Variants in ATP2C2 observed in about 807,000 individuals in gnomAD.
ATP2C2 encodes the protein calcium-transporting ATPase type 2C member 2.
In ATP2C2, 171 loss-of-function variants were observed where a neutral mutation model predicts 110.8. That is an observed-to-expected ratio of 1.54 (90% CI 1.36 to 1.75). The LOEUF (loss-of-function observed/expected upper bound fraction) is 1.75, where lower values mean the gene tolerates loss of function less well. Ranked by LOEUF, ATP2C2 falls within the 40% of genes most tolerant of loss-of-function variation. The probability of loss-of-function intolerance (pLI) is 0.00; values close to 1 mark genes in which losing one functional copy is unlikely to be tolerated. For missense variants in ATP2C2, 1,963 were observed against 1,235.0 expected (o/e 1.59, Z -8.84); for synonymous variants, 804 against 508.4 (o/e 1.58, Z -7.82).
chr16:84,447,214 C>CT (rs1229039856), intron 16 of ATP2C2, among the ~76,000 whole-genome samples: 1 of 152,196 alleles, frequency 6.6e-6, no homozygotes, highest in Non-Finnish European at 1.5e-5. Flanking sequence ...CCACTCAGGG[C>CT]TGTGGGCAGC....
chr16:84,438,944 G>C, intron 11 of ATP2C2: 1 of 530,256 alleles, frequency 1.9e-6, no homozygotes, highest in Non-Finnish European at 3.3e-6. Context: ...ATGACTGACA[G>C]GAGAGGTCCC....
Position 84,459,018 on chromosome 16 carries a change from A to G in ATP2C2, c.2148-102A>G, listed in dbSNP as rs1910971496. The G allele has an allele frequency of 1.1e-5, 14 of 1,290,658 alleles. No individual in the cohort carries two copies. In the Admixed American group the frequency reaches 2.3e-4, roughly 21 times the overall value. The allele number at this position is 1,290,658 out of a possible 1,614,324, so 80.0% of individuals were successfully genotyped here. On this transcript the variant is annotated intron_variant, in intron 21 of 26. Coordinates refer to ENST00000262429, the MANE Select transcript of ATP2C2 (RefSeq NM_014861.4). ...GAACCAGCAGGGGCCCAAGTATAAC[A>G]TCAATCTGGGCGAGTCACCACTGCC... is the stretch of plus-strand genomic sequence containing the variant.
At chr16:84,370,130 A>G (rs1227446181) in intron 1 of ATP2C2, among the ~76,000 whole-genome samples, 4 of 140,964 alleles carry the variant, frequency 2.8e-5, no homozygotes, top group African/African-American at 8.5e-5. Flanking sequence ...CAGGATGTCC[A>G]GGAATGCAGG....
At chr16:84,388,078 T>G (rs1262645078) in intron 1 of ATP2C2, among the ~76,000 whole-genome samples, 1 of 152,132 alleles carries the variant, frequency 6.6e-6, no homozygotes, top group African/African-American at 2.4e-5. Context: ...ACGCCTGTCA[T>G]CCCAGCACTT....
intron 1 of ATP2C2, among the ~76,000 whole-genome samples, chr16:84,377,034 T>C (rs915237953): frequency 6.6e-6 from 1 of 152,232 alleles, no homozygotes; most frequent in Admixed American, 6.5e-5. Flanking sequence ...CTCTGGTCTC[T>C]AAGGCATCTC....
chr16:84,378,937 A>C (rs563408460), intron 1 of ATP2C2, among the ~76,000 whole-genome samples: 2 of 145,556 alleles, frequency 1.4e-5, no homozygotes, highest in African/African-American at 5.1e-5. Context: ...TACTCCAGCC[A>C]CTCCTCTGGC....
At chr16:84,401,166 C>T (rs997245511) in intron 2 of ATP2C2, among the ~76,000 whole-genome samples, 10 of 151,858 alleles carry the variant, frequency 6.6e-5, no homozygotes, top group Non-Finnish European at 1.0e-4. Flanking sequence ...TGGAGAGTTT[C>T]CCCGATGTTC....
At chr16:84,406,674 C>T (rs1905797382) in intron 3 of ATP2C2, 2 of 982,908 alleles carry the variant, frequency 2.0e-6, no homozygotes, top group Non-Finnish European at 2.4e-6. Context: ...CTGGCTAGCC[C>T]AGAAGCTTCC....
At position 84,368,600 on chromosome 16, in the gene ATP2C2, C is replaced by A; in HGVS notation, c.-16C>A. 1 of 1,543,594 alleles carries A rather than the reference C, an allele frequency of 6.5e-7. No individual in the cohort carries two copies. On this transcript the variant is annotated 5_prime_UTR_variant, in exon 1 of 27. Coordinates refer to ENST00000262429, the MANE Select transcript of ATP2C2 (RefSeq NM_014861.4). ...CGGGGACCTAGGGACGCAGGCAACG[C>A]CTGCGCCCGCTCACCATGGTCGAGG...
chr16:84,405,446 C>A (rs1295260887), intron 3 of ATP2C2, among the ~76,000 whole-genome samples: 1 of 152,038 alleles, frequency 6.6e-6, no homozygotes, highest in Non-Finnish European at 1.5e-5. Flanking sequence ...TGATCACTTT[C>A]GTAGACAGTT....
chr16:84,397,115 G>A (rs1284637716), intron 1 of ATP2C2, among the ~76,000 whole-genome samples: 2 of 151,802 alleles, frequency 1.3e-5, no homozygotes, highest in Non-Finnish European at 2.9e-5. Flanking sequence ...GTATCAGGAT[G>A]CTAGGAATGG....
chr16:84,412,534 CTGTGTGTGTATGCGTGTGTGTG>C (rs1436791760), intron 6 of ATP2C2, among the ~76,000 whole-genome samples: 2 of 126,686 alleles, frequency 1.6e-5, no homozygotes, highest in Non-Finnish European at 3.3e-5. Flanking sequence ...GTGCATGTGT[CTGTGTGTGTATGCGTGTGTGTG>C]TGTGTGTGTG....
At chr16:84,419,471 C>T (rs1054651085) in intron 7 of ATP2C2, among the ~76,000 whole-genome samples, 1 of 152,204 alleles carries the variant, frequency 6.6e-6, no homozygotes, top group Non-Finnish European at 1.5e-5. Flanking sequence ...ACCATATTCT[C>T]CCCACGCCAA....
At position 84,398,586 on chromosome 16, in the gene ATP2C2, G is replaced by A; in HGVS notation, c.187G>A (p.Glu63Lys). 6.2e-7 allele frequency: 1 copy of A among 1,612,760 alleles called. No homozygotes were observed. Among genetic ancestry groups the A allele is most frequent in the Non-Finnish European group, 8.5e-7 (1 of 1,179,430 alleles). The part of the protein sequence containing the change: ...PPKEACKCQK[E>K]DLARAFCVDL... ...CAAGGAAGCGTGCAAATGCCAGAAA[G>A]AGGATTTGGCCAGAGCGTTTTGTGT... The change falls in exon 2 of 27, where the codon GAG becomes AAG. Residue 63 changes from glutamate to lysine, a missense_variant. Physicochemically the swap from Glu to Lys is moderately conservative, Grantham distance 56. Coordinates refer to ENST00000262429, the MANE Select transcript of ATP2C2 (RefSeq NM_014861.4).
chr16:84,459,400 G>C lies in ATP2C2; in HGVS notation c.2333+14G>C. ...ACCGGCGCAGAGGTGAGGCAGGGCC[G>C]GCTGGGAGCCCTGTGTCTCTTTACC... On this transcript the variant is annotated intron_variant, in intron 23 of 26. Coordinates refer to ENST00000262429, the MANE Select transcript of ATP2C2 (RefSeq NM_014861.4). 1.2e-6 allele frequency: 2 copies of C among 1,611,956 alleles called. No homozygotes were observed. Among genetic ancestry groups the C allele is most frequent in the Non-Finnish European group, 1.7e-6 (2 of 1,178,116 alleles).
chr16:84,384,588 A>T (rs1207350545), intron 1 of ATP2C2, among the ~76,000 whole-genome samples: 1 of 152,170 alleles, frequency 6.6e-6, no homozygotes, highest in Non-Finnish European at 1.5e-5. Context: ...TAAGTATTTT[A>T]CCGAGAGACA....
Position 84,398,715 on chromosome 16 carries a change from A to AT in ATP2C2, c.210+110dup, listed in dbSNP as rs200942723. 2.1e-3 allele frequency: 1,840 copies of AT among 869,372 alleles called. 23 individuals carry two copies. In the African/African-American group the frequency reaches 0.029, roughly 14 times the overall value. 53.9% of individuals were successfully genotyped at this position (869,372 alleles called of 1,614,324 possible). On this transcript the variant is annotated intron_variant, in intron 2 of 26. Coordinates refer to ENST00000262429, the MANE Select transcript of ATP2C2 (RefSeq NM_014861.4). ...GCTTTGAAATTCTGTGTTATTATCA[A>AT]TTTTATCATCAAGGTTGGAAAATAT... is the stretch of plus-strand genomic sequence containing the variant.
intron 1 of ATP2C2, among the ~76,000 whole-genome samples, chr16:84,369,502 C>T (rs1345326676): frequency 1.3e-5 from 2 of 151,168 alleles, no homozygotes; most frequent in African/African-American, 4.9e-5. Flanking sequence ...AGGGTCGTTG[C>T]ACTTTTTTTT....
chr16:84,414,315 C>G (rs1365871969), intron 6 of ATP2C2, among the ~76,000 whole-genome samples: 2 of 152,140 alleles, frequency 1.3e-5, no homozygotes, highest in Non-Finnish European at 2.9e-5. Context: ...CAGGAGAGCA[C>G]CCAGGGCGTG....
Sources: gnomAD v4.1 joint callset for allele counts (sites outside exome capture counted in the v4.1 genomes callset) on GRCh38, gnomAD v4.1.1 for gene constraint, MANE v1.5 for transcripts, NCBI Gene and HGNC (gene_info 2026-07-23, HGNC 2026-07-21) for gene names.